The following LRP1B variants were observed in gnomAD, a reference collection of about 807,000 sequenced individuals.
LRP1B encodes LDL receptor related protein 1B.
A neutral mutation model predicts 556.6 loss-of-function variants in LRP1B; 217 were observed. The ratio of observed to expected loss-of-function variants is 0.39; its 90% CI spans 0.35 to 0.44. LRP1B has a LOEUF of 0.44. Among genes scored for constraint, LRP1B ranks in the 20% least tolerant of loss-of-function variants. The pLI is 1.00. For synonymous variants in LRP1B, 2,047 were observed against 1,865.8 expected (o/e 1.10, Z -2.50); for missense variants, 5,053 against 5,620.8 (o/e 0.90, Z 3.23).
intron 3 of LRP1B, among the ~76,000 whole-genome samples, chr2:141,363,202 C>A (rs1386602419): frequency 6.6e-6 from 1 of 152,142 alleles, no homozygotes; most frequent in Non-Finnish European, 1.5e-5. Flanking sequence ...CCACCCATTT[C>A]TGTCCAATCT....
chr2:141,254,102 A>G (rs1467612857), intron 4 of LRP1B, among the ~76,000 whole-genome samples: 1 of 152,106 alleles, frequency 6.6e-6, no homozygotes, highest in African/African-American at 2.4e-5. Flanking sequence ...TATTATTGCT[A>G]TGGTTAAAAT....
intron 35 of LRP1B, among the ~76,000 whole-genome samples, chr2:140,750,916 C>A (rs1270072994): frequency 6.6e-6 from 1 of 151,978 alleles, no homozygotes; most frequent in Non-Finnish European, 1.5e-5. Flanking sequence ...TAAACTGAAA[C>A]CACTCCAGAC....
chr2:141,482,551 T>A (rs1682962644), intron 2 of LRP1B, among the ~76,000 whole-genome samples: 1 of 151,978 alleles, frequency 6.6e-6, no homozygotes, highest in Admixed American at 6.6e-5. Context: ...ATATACAAAT[T>A]TGAATACAAA....
intron 43 of LRP1B, among the ~76,000 whole-genome samples, chr2:140,584,398 A>G (rs1266069163): frequency 6.6e-6 from 1 of 151,690 alleles, no homozygotes; most frequent in East Asian, 1.9e-4. Context: ...ATATATATAT[A>G]TATATATATA....
chr2:141,354,174 T>C (rs1336909013), intron 3 of LRP1B, among the ~76,000 whole-genome samples: 2 of 151,926 alleles, frequency 1.3e-5, no homozygotes, highest in African/African-American at 4.8e-5. Flanking sequence ...ACAGTTTACC[T>C]ATATAACGAA....
chr2:141,986,492 A>G (rs945134084), intron 1 of LRP1B, among the ~76,000 whole-genome samples: 2 of 151,736 alleles, frequency 1.3e-5, no homozygotes, highest in Admixed American at 1.3e-4. Context: ...TTTTCTTTAT[A>G]TTTACCCTCA....
At chr2:141,706,935 A>C (rs371661627) in intron 2 of LRP1B, among the ~76,000 whole-genome samples, 71 of 152,194 alleles carry the variant, frequency 4.7e-4, no homozygotes, top group African/African-American at 1.6e-3. Flanking sequence ...TATCACCAGA[A>C]CTTTTATCAG....
chr2:140,590,893 T>G (rs1185233944), intron 43 of LRP1B, among the ~76,000 whole-genome samples: 1 of 152,200 alleles, frequency 6.6e-6, no homozygotes, highest in Non-Finnish European at 1.5e-5. Context: ...CGCTTATCAC[T>G]TAATGTATAC....
At chr2:140,634,951 C>T (rs909630022) in intron 41 of LRP1B, among the ~76,000 whole-genome samples, 2 of 151,944 alleles carry the variant, frequency 1.3e-5, no homozygotes, top group Non-Finnish European at 2.9e-5. Flanking sequence ...AAACTATGAA[C>T]TTTTGTCAAT....
chr2:141,910,983 T>G (rs1043404101), intron 1 of LRP1B, among the ~76,000 whole-genome samples: 5 of 152,086 alleles, frequency 3.3e-5, no homozygotes, highest in Admixed American at 2.6e-4. Flanking sequence ...TGGTCAACTT[T>G]TATAAAAATT....
rs539885103 is a variant in LRP1B, at chr2:140,428,848, T to G, written c.10414+13656A>C. On this transcript the variant is annotated intron_variant, in intron 66 of 90. Coordinates refer to ENST00000389484, the MANE Select transcript of LRP1B (RefSeq NM_018557.3). ...CTCTGGTGCCAACTTAGACAATACT[T>G]TTTTAAGCACTCTTTTTTAGTTATC... is the stretch of plus-strand genomic sequence containing the variant. Among the ~76,000 whole-genome samples the G allele has an allele frequency of 2.5e-4, 38 of 152,246 alleles. No individual in the cohort carries two copies. The East Asian group carries it at 7.2e-3, about 29-fold the overall frequency.
chr2:141,350,484 T>C (rs1688404361), intron 3 of LRP1B, among the ~76,000 whole-genome samples: 1 of 151,988 alleles, frequency 6.6e-6, no homozygotes, highest in Non-Finnish European at 1.5e-5. Flanking sequence ...GACTGAAACA[T>C]TTTTCTTTGA....
At chr2:141,586,347 C>G (rs957953449) in intron 2 of LRP1B, among the ~76,000 whole-genome samples, 1 of 151,898 alleles carries the variant, frequency 6.6e-6, no homozygotes, top group African/African-American at 2.4e-5. Context: ...TTTTTCCTTT[C>G]AGTACTACTT....
intron 41 of LRP1B, among the ~76,000 whole-genome samples, chr2:140,674,693 G>A (rs916457794): frequency 6.6e-6 from 1 of 151,992 alleles, no homozygotes; most frequent in Non-Finnish European, 1.5e-5. Flanking sequence ...AAACACCTTG[G>A]GCACGTGTTC....
intron 2 of LRP1B, among the ~76,000 whole-genome samples, chr2:141,772,109 GAT>G (rs1558865431): frequency 6.6e-6 from 1 of 152,008 alleles, no homozygotes; most frequent in Non-Finnish European, 1.5e-5. Flanking sequence ...CCCGGCCGAT[GAT>G]CTCTCTTTCT....
intron 25 of LRP1B, among the ~76,000 whole-genome samples, chr2:140,874,387 CAGCTCAT>C: frequency 6.6e-6 from 1 of 152,048 alleles, no homozygotes; most frequent in African/African-American, 2.4e-5. Context: ...AACTCATTTT[CAGCTCAT>C]ATAAGTTTTT....
Position 141,822,126 on chromosome 2 carries a change from C to CAGAGAGAGAGAG in LRP1B, c.83-11726_83-11725insCTCTCTCTCTCT, listed in dbSNP as rs1308046198. On this transcript the variant is annotated intron_variant, in intron 1 of 90. Transcript: ENST00000389484. ...ACACACACACACACACACACACACA[C>CAGAGAGAGAGAG]ACACAGAGAGAGAGAGAGAGAGAGA... 5.4e-3 allele frequency among the ~76,000 whole-genome samples: 615 copies of CAGAGAGAGAGAG among 114,246 alleles called. 9 individuals carry two copies. The highest frequency in any genetic ancestry group is 0.023 in the East Asian group (92 of 3,982). The allele number at this position is 114,246 out of a possible 152,430, so 74.9% of individuals were successfully genotyped here. A position where few individuals can be genotyped will look rare whatever the true frequency, so the allele number is the denominator to read the frequency against.
chr2:140,879,765 T>A (rs968399533), intron 25 of LRP1B, among the ~76,000 whole-genome samples: 17 of 152,032 alleles, frequency 1.1e-4, no homozygotes, highest in African/African-American at 4.1e-4. Flanking sequence ...AAATGTTCAG[T>A]CACAATAACT....
chr2:140,446,210 T>C (rs1455507369), intron 63 of LRP1B, among the ~76,000 whole-genome samples: 1 of 152,140 alleles, frequency 6.6e-6, no homozygotes, highest in Non-Finnish European at 1.5e-5. Flanking sequence ...TTTTCTCTAA[T>C]ACTCCTTTGC....
Sources: gnomAD v4.1 joint callset for allele counts (sites outside exome capture counted in the v4.1 genomes callset) on GRCh38, gnomAD v4.1.1 for gene constraint, MANE v1.5 for transcripts, NCBI Gene and HGNC (gene_info 2026-07-23, HGNC 2026-07-21) for gene names.